Variants in TMEM232 observed in about 807,000 individuals in gnomAD.
TMEM232 encodes the protein transmembrane protein 232.
In TMEM232, 80 loss-of-function variants were observed where a neutral mutation model predicts 78.8. The ratio of observed to expected loss-of-function variants is 1.01; its 90% CI spans 0.85 to 1.22. The LOEUF (loss-of-function observed/expected upper bound fraction) is 1.22, where lower values mean the gene tolerates loss of function less well. Among genes scored for constraint, TMEM232 ranks in the 50% most tolerant of loss-of-function variants. The pLI, the probability that TMEM232 is intolerant of heterozygous loss-of-function variation, is 0.00. For synonymous variants in TMEM232, 297 were observed against 254.3 expected (o/e 1.17, Z -1.60); for missense variants, 881 against 742.2 (o/e 1.19, Z -2.17).
intron 1 of TMEM232, among the ~76,000 whole-genome samples, chr5:110,668,748 T>C (rs867945483): frequency 6.6e-6 from 1 of 152,146 alleles, no homozygotes; most frequent in African/African-American, 2.4e-5. Flanking sequence ...TCTCAGCAAG[T>C]GTAAAAGAAC....
At chr5:110,466,738 G>A (rs1046718035) in intron 12 of TMEM232, among the ~76,000 whole-genome samples, 1 of 151,166 alleles carries the variant, frequency 6.6e-6, no homozygotes, top group African/African-American at 2.4e-5. Context: ...TCAGCCTCCC[G>A]AGTAGCTGGG....
At chr5:110,691,037 G>A (rs543492844) in intron 1 of TMEM232, among the ~76,000 whole-genome samples, 1 of 151,912 alleles carries the variant, frequency 6.6e-6, no homozygotes, top group East Asian at 1.9e-4. Context: ...ACAGGCTGAT[G>A]GGTGCAGCAA....
intron 10 of TMEM232, among the ~76,000 whole-genome samples, chr5:110,569,043 A>T (rs1393331061): frequency 6.6e-6 from 1 of 151,934 alleles, no homozygotes; most frequent in South Asian, 2.1e-4. Flanking sequence ...AAAGTCAAAC[A>T]TTATGAAACA....
chr5:110,472,315 T>C lies in TMEM232; in HGVS notation c.1704-47399A>G, dbSNP rs578098995. On this transcript the variant is annotated intron_variant, in intron 12 of 13. Coordinates refer to ENST00000455884, the MANE Select transcript of TMEM232 (RefSeq NM_001039763.4). ...TTCACAATAACTACAAAAAATAAGA[T>C]ACCTTGGAATAAATTTAACTAAGGA... 2.0e-5 allele frequency among the ~76,000 whole-genome samples: 3 copies of C among 151,958 alleles called. No individual in the cohort carries two copies. In the East Asian group the frequency reaches 5.8e-4, roughly 29 times the overall value.
intron 10 of TMEM232, among the ~76,000 whole-genome samples, 173 bp from the exon 11 acceptor site, chr5:110,568,798 A>G (rs1225009378): frequency 6.6e-6 from 1 of 151,950 alleles, no homozygotes; most frequent in Non-Finnish European, 1.5e-5. Flanking sequence ...CTTTACATTT[A>G]AAACAGATCA....
At chr5:110,567,322 T>C (rs1353446622) in intron 11 of TMEM232, among the ~76,000 whole-genome samples, 1 of 151,762 alleles carries the variant, frequency 6.6e-6, no homozygotes, top group East Asian at 1.9e-4. Flanking sequence ...ATTTAATCAA[T>C]ATTAAATTTA....
chr5:110,611,979 G>A (rs531462442), intron 8 of TMEM232, among the ~76,000 whole-genome samples: 94 of 152,264 alleles, frequency 6.2e-4, no homozygotes, highest in Non-Finnish European at 1.1e-3. Context: ...TGGAGGAAAG[G>A]ACACGACGAC....
chr5:110,388,407 C>T (rs186247828), intron 4 of TMEM232, among the ~76,000 whole-genome samples: 1 of 152,256 alleles, frequency 6.6e-6, no homozygotes, highest in Admixed American at 6.5e-5. Flanking sequence ...TGCTGGCATT[C>T]GCCTGTACAA....
chr5:110,482,990 A>G (rs1434194112), intron 12 of TMEM232, among the ~76,000 whole-genome samples: 5 of 150,546 alleles, frequency 3.3e-5, no homozygotes, highest in Admixed American at 6.6e-5. Context: ...GAAATAAAGT[A>G]CACTGCTAAA....
chr5:110,668,941 A>G (rs1790979467), intron 1 of TMEM232, among the ~76,000 whole-genome samples: 2 of 152,178 alleles, frequency 1.3e-5, no homozygotes, highest in Admixed American at 1.3e-4. Flanking sequence ...GAGAACAAAG[A>G]CACAACATAC....
chr5:110,449,618 A>G (rs986221712), intron 12 of TMEM232, among the ~76,000 whole-genome samples: 1 of 151,920 alleles, frequency 6.6e-6, no homozygotes, highest in African/African-American at 2.4e-5. Context: ...CTTTCTGGAC[A>G]TCTCTACACA....
intron 2 of TMEM232, among the ~76,000 whole-genome samples, chr5:110,663,125 A>G (rs1021267997): frequency 6.6e-6 from 1 of 152,136 alleles, no homozygotes; most frequent in Admixed American, 6.6e-5. Context: ...AATTGAAAAT[A>G]ATTGAAATGT....
At chr5:110,468,258 T>G (rs1412963325) in intron 12 of TMEM232, among the ~76,000 whole-genome samples, 1 of 152,040 alleles carries the variant, frequency 6.6e-6, no homozygotes, top group Non-Finnish European at 1.5e-5. Flanking sequence ...ATCTTCCCAG[T>G]GAAAATAAAT....
intron 12 of TMEM232, among the ~76,000 whole-genome samples, chr5:110,511,885 T>C (rs1020720193): frequency 1.3e-5 from 2 of 152,206 alleles, no homozygotes; most frequent in Non-Finnish European, 2.9e-5. Flanking sequence ...GTAGTCTTCA[T>C]GAGCCAGCCA....
chr5:110,697,592 A>G (rs910647536), intron 1 of TMEM232, among the ~76,000 whole-genome samples: 32 of 152,312 alleles, frequency 2.1e-4, no homozygotes, highest in African/African-American at 7.7e-4. Flanking sequence ...GAACTCAAAC[A>G]AATTTACAAG....
intron 2 of TMEM232, among the ~76,000 whole-genome samples, chr5:110,659,435 T>A (rs1789507482): frequency 1.3e-5 from 2 of 152,138 alleles, no homozygotes; most frequent in African/African-American, 4.8e-5. Context: ...TTAGTTTCAG[T>A]TGTCCCAGGC....
At chr5:110,556,271 G>C (rs1310739009) in intron 11 of TMEM232, among the ~76,000 whole-genome samples, 2 of 151,822 alleles carry the variant, frequency 1.3e-5, no homozygotes, top group Non-Finnish European at 2.9e-5. Flanking sequence ...GAAACTCTTG[G>C]TTGGAATTTC....
intron 12 of TMEM232, among the ~76,000 whole-genome samples, chr5:110,454,623 T>G (rs532331753): frequency 6.6e-6 from 1 of 151,828 alleles, no homozygotes; most frequent in African/African-American, 2.4e-5. Flanking sequence ...AATTAGAAAA[T>G]ATTTTAAATT....
At chr5:110,535,118 T>G (rs906898732) in intron 11 of TMEM232, among the ~76,000 whole-genome samples, 2 of 152,156 alleles carry the variant, frequency 1.3e-5, no homozygotes, top group African/African-American at 4.8e-5. Context: ...AAGATAGGAA[T>G]GTCAGGCCTC....
Sources: gnomAD v4.1 joint callset for allele counts (sites outside exome capture counted in the v4.1 genomes callset) on GRCh38, gnomAD v4.1.1 for gene constraint, MANE v1.5 for transcripts, NCBI Gene and HGNC (gene_info 2026-07-23, HGNC 2026-07-21) for gene names.